Variants in YAP1 observed in about 807,000 individuals in gnomAD.
The protein encoded by YAP1 is transcriptional coactivator YAP1.
In YAP1, 5 loss-of-function variants were observed where a neutral mutation model predicts 56.9. The observed-to-expected ratio is 0.09, with a 90% CI of 0.05 to 0.18. The LOEUF (loss-of-function observed/expected upper bound fraction) is 0.18. Among genes scored for constraint, YAP1 ranks in the 10% least tolerant of loss-of-function variants. The pLI, the probability that YAP1 is intolerant of heterozygous loss-of-function variation, is 1.00. For synonymous variants in YAP1, 265 were observed against 248.1 expected (o/e 1.07, Z -0.64); for missense variants, 539 against 651.8 (o/e 0.83, Z 1.88).
In YAP1 at chr11:102,116,929, G is replaced by A. The variant is rs1021669997; in HGVS notation, c.572+2535G>A. 2.0e-5 allele frequency among the ~76,000 whole-genome samples: 3 copies of A among 152,236 alleles called. No homozygotes were observed. In the Middle Eastern group the frequency reaches 0.01, roughly 518 times the overall value. On this transcript the variant is annotated intron_variant, in intron 2 of 8. Coordinates refer to ENST00000282441, the MANE Select transcript of YAP1 (RefSeq NM_001130145.3). ...TGGAGGCCCCTAAACATTGGATGTGGGAGAAGAATGCTGTGGGCTTATAAA... is the reference window on the plus strand; with the variant it reads ...TGGAGGCCCCTAAACATTGGATGTGAGAGAAGAATGCTGTGGGCTTATAAA...
intron 2 of YAP1, among the ~76,000 whole-genome samples, chr11:102,160,440 T>A (rs1006145815): frequency 1.3e-5 from 2 of 152,212 alleles, no homozygotes; most frequent in African/African-American, 4.8e-5. Context: ...TCATGAACAT[T>A]GTGTATTATG....
At chr11:102,211,470 A>C (rs1368483082) in intron 6 of YAP1, among the ~76,000 whole-genome samples, 1 of 152,218 alleles carries the variant, frequency 6.6e-6, no homozygotes, top group African/African-American at 2.4e-5. Flanking sequence ...GGAGATTAAA[A>C]TATTGGTTTG....
At chr11:102,115,516 G>A (rs771703340) in intron 2 of YAP1, among the ~76,000 whole-genome samples, 1 of 152,072 alleles carries the variant, frequency 6.6e-6, no homozygotes, top group Admixed American at 6.6e-5. Context: ...ACTTACAGAA[G>A]AGCAAAGGAA....
intron 2 of YAP1, among the ~76,000 whole-genome samples, chr11:102,157,896 T>C (rs910989375): frequency 1.3e-5 from 2 of 152,222 alleles, no homozygotes; most frequent in African/African-American, 4.8e-5. Flanking sequence ...CTTAAAGGTG[T>C]GTTAGGGGCT....
chr11:102,123,943 CT>C (rs540805146), intron 2 of YAP1, among the ~76,000 whole-genome samples: 13 of 144,054 alleles, frequency 9.0e-5, no homozygotes, highest in Admixed American at 2.1e-4. Context: ...TTTTCTTTTT[CT>C]TTTTTTTTTG....
intron 4 of YAP1, among the ~76,000 whole-genome samples, chr11:102,188,706 A>G (rs1376965468): frequency 3.9e-5 from 6 of 152,218 alleles, no homozygotes; most frequent in Non-Finnish European, 7.3e-5. Context: ...GGCATGTAGT[A>G]GGCTATACCA....
intron 3 of YAP1, among the ~76,000 whole-genome samples, chr11:102,178,381 G>A (rs1947390738): frequency 6.6e-6 from 1 of 152,110 alleles, no homozygotes; most frequent in African/African-American, 2.4e-5. Flanking sequence ...AAATTGTGGG[G>A]CAGGTGACAA....
intron 3 of YAP1, among the ~76,000 whole-genome samples, chr11:102,181,716 T>A (rs998931259): frequency 1.3e-5 from 2 of 152,246 alleles, no homozygotes; most frequent in African/African-American, 2.4e-5. Flanking sequence ...CATAGATTGA[T>A]CTCCAAACTG....
intron 2 of YAP1, among the ~76,000 whole-genome samples, chr11:102,145,456 C>A (rs1455399007): frequency 6.6e-6 from 1 of 152,170 alleles, no homozygotes; most frequent in South Asian, 2.1e-4. Context: ...AAGTTGCTAT[C>A]AAATGTGGAA....
chr11:102,227,251 A>G (rs1380424099), intron 7 of YAP1, among the ~76,000 whole-genome samples: 1 of 152,170 alleles, frequency 6.6e-6, no homozygotes, highest in African/African-American at 2.4e-5. Context: ...GGTTCCTTAG[A>G]GCTGCCAGCT....
At chr11:102,193,072 T>G (rs1217230638) in intron 4 of YAP1, among the ~76,000 whole-genome samples, 2 of 152,210 alleles carry the variant, frequency 1.3e-5, no homozygotes, top group African/African-American at 4.8e-5. Flanking sequence ...ACACTTTGTT[T>G]CTAAAATTTA....
At chr11:102,199,109 A>G (rs542596075) in intron 4 of YAP1, among the ~76,000 whole-genome samples, 1 of 152,276 alleles carries the variant, frequency 6.6e-6, no homozygotes, top group South Asian at 2.1e-4. Flanking sequence ...TTAGGTTTAG[A>G]AAGAAGTTCT....
chr11:102,131,835 G>A (rs1377682319), intron 2 of YAP1, among the ~76,000 whole-genome samples: 2 of 152,138 alleles, frequency 1.3e-5, no homozygotes, highest in African/African-American at 4.8e-5. Context: ...TCACTTTGTG[G>A]TATTATAAAT....
rs1467247931 is a variant in YAP1 at position 102,233,365 on chromosome 11, T to A, written c.*3425T>A. On this transcript the variant is annotated 3_prime_UTR_variant, in exon 9 of 9. Coordinates refer to ENST00000282441, the MANE Select transcript of YAP1 (RefSeq NM_001130145.3). ...ACATAAATTGTTACATTATTTTTTC[T>A]TATGTAATACCTTTTTGTTTGTTTA... The A allele has an allele frequency of 6.6e-6, 1 of 152,252 alleles. No individual in the cohort carries two copies. The highest frequency in any genetic ancestry group is 6.5e-5 in the Admixed American group (1 of 15,290). The allele number at this position is 152,252 out of a possible 1,614,324, so 9.4% of individuals were successfully genotyped here.
intron 4 of YAP1, among the ~76,000 whole-genome samples, chr11:102,205,692 T>C (rs1949085379): frequency 1.3e-5 from 2 of 152,212 alleles, no homozygotes; most frequent in South Asian, 2.1e-4. Flanking sequence ...TTTTCTCTTA[T>C]GACTTCCTTG....
chr11:102,119,769 C>T (rs963814977), intron 2 of YAP1, among the ~76,000 whole-genome samples: 3 of 152,080 alleles, frequency 2.0e-5, no homozygotes, highest in African/African-American at 7.2e-5. Flanking sequence ...GGTATCATGA[C>T]TCTGCATTGC....
At chr11:102,195,145 C>A (rs972843375) in intron 4 of YAP1, among the ~76,000 whole-genome samples, 7 of 152,156 alleles carry the variant, frequency 4.6e-5, no homozygotes, top group African/African-American at 1.4e-4. Flanking sequence ...TCTAGCTGTG[C>A]TCTGGGGACA....
intron 6 of YAP1, among the ~76,000 whole-genome samples, chr11:102,220,106 C>T (rs554854100): frequency 1.3e-5 from 2 of 151,882 alleles, no homozygotes; most frequent in East Asian, 4.0e-4. Context: ...TGGTGGCTCA[C>T]GCCTGTAATC....
At chr11:102,216,982 A>T (rs939069787) in intron 6 of YAP1, among the ~76,000 whole-genome samples, 1 of 152,238 alleles carries the variant, frequency 6.6e-6, no homozygotes, top group African/African-American at 2.4e-5. Flanking sequence ...ATCTTAGCTA[A>T]TGTGGGACAC....
Sources: gnomAD v4.1 joint callset for allele counts (sites outside exome capture counted in the v4.1 genomes callset) on GRCh38, gnomAD v4.1.1 for gene constraint, MANE v1.5 for transcripts, NCBI Gene and HGNC (gene_info 2026-07-23, HGNC 2026-07-21) for gene names.